Variants in CACNA2D4 observed in about 807,000 individuals in gnomAD.
CACNA2D4 encodes the protein calcium voltage-gated channel auxiliary subunit alpha2delta 4.
In CACNA2D4, 157 loss-of-function variants were observed where a neutral mutation model predicts 163.8. That is an observed-to-expected ratio of 0.96 (90% CI 0.84 to 1.09). The LOEUF (loss-of-function observed/expected upper bound fraction) is 1.09, where lower values mean the gene tolerates loss of function less well. Among genes scored for constraint, CACNA2D4 ranks in the 50% least tolerant of loss-of-function variants. The probability of loss-of-function intolerance (pLI) is 0.00; values close to 1 mark genes in which losing one functional copy is unlikely to be tolerated. For synonymous variants in CACNA2D4, 598 were observed against 586.9 expected (o/e 1.02, Z -0.27); for missense variants, 1,410 against 1,479.9 (o/e 0.95, Z 0.78).
intron 26 of CACNA2D4, among the ~76,000 whole-genome samples, chr12:1,824,212 A>T (rs1173965308): frequency 6.6e-6 from 1 of 152,190 alleles, no homozygotes; most frequent in Non-Finnish European, 1.5e-5. Context: ...CCCTGCTGAG[A>T]GGTGCCCGGC....
In CACNA2D4 at chr12:1,808,386, ATC is replaced by A. The variant is rs139602506; in HGVS notation, c.2721+1890_2721+1891del. Among the ~76,000 whole-genome samples, 1,043 of 152,322 alleles carry A rather than the reference ATC, an allele frequency of 6.8e-3. 13 individuals carry two copies. The highest frequency in any genetic ancestry group is 0.024 in the African/African-American group (991 of 41,570). ...GAAAAAAAGTCAAAAGATTGATAACATCTCATGACACGTGAAATTTATATGAA... is the reference window on the plus strand; with the variant it reads ...GAAAAAAAGTCAAAAGATTGATAACATCATGACACGTGAAATTTATATGAA... On this transcript the variant is annotated intron_variant, in intron 29 of 37. Transcript: ENST00000382722.
chr12:1,899,586 A>T (rs560121442), intron 6 of CACNA2D4, among the ~76,000 whole-genome samples: 1 of 152,200 alleles, frequency 6.6e-6, no homozygotes, highest in Non-Finnish European at 1.5e-5. Context: ...AATTCTAAGA[A>T]ATAGAAAGCC....
Position 1,819,315 on chromosome 12 carries a change from C to T in CACNA2D4, c.2552-7592G>A, listed in dbSNP as rs1347567398. ...AGGCACCAGCATGAGAGGTCAGAGG[C>T]GGGACTCCCCAGAGGTAAAAGACAC... On this transcript the variant is annotated intron_variant, in intron 26 of 37. Coordinates refer to ENST00000382722, the MANE Select transcript of CACNA2D4 (RefSeq NM_172364.5). 3.9e-5 allele frequency among the ~76,000 whole-genome samples: 6 copies of T among 152,058 alleles called. No homozygotes were observed. The East Asian group carries it at 7.7e-4, about 20-fold the overall frequency.
Position 1,834,179 on chromosome 12 carries a change from G to A in CACNA2D4, c.2551+6560C>T. ...ATTGCTGATAAAAACTACCTTCTGG[G>A]GCTTCCGTTTTGGGGAGCTGGGGAT... On this transcript the variant is annotated intron_variant, in intron 26 of 37. Transcript: ENST00000382722. This position sits in a 1 kb window ranked among gnomAD's most constrained non-coding sequence, Gnocchi z 7.6. 1 of 1,441,934 alleles carries A rather than the reference G, an allele frequency of 6.9e-7. No individual in the cohort carries two copies. The allele number at this position is 1,441,934 out of a possible 1,614,324, so 89.3% of individuals were successfully genotyped here.
At chr12:1,865,184 G>C (rs1328448483) in intron 18 of CACNA2D4, among the ~76,000 whole-genome samples, 2 of 152,212 alleles carry the variant, frequency 1.3e-5, no homozygotes. Flanking sequence ...CGTCTTGCTC[G>C]TGGCGCGTCT....
At chr12:1,836,989 C>T (rs1483542937) in intron 26 of CACNA2D4, among the ~76,000 whole-genome samples, 1 of 152,258 alleles carries the variant, frequency 6.6e-6, no homozygotes. Context: ...AGCTCATGGC[C>T]TGGCAGATCC....
intron 26 of CACNA2D4, among the ~76,000 whole-genome samples, chr12:1,813,209 G>A (rs1863766294): frequency 6.6e-6 from 1 of 152,184 alleles, no homozygotes; most frequent in African/African-American, 2.4e-5. Flanking sequence ...CCAGACTAGA[G>A]CCTTGATTTT....
intron 26 of CACNA2D4, among the ~76,000 whole-genome samples, chr12:1,838,378 G>A (rs572809338): frequency 1.1e-4 from 17 of 152,234 alleles, no homozygotes; most frequent in South Asian, 1.0e-3. Flanking sequence ...CAGGCCTGGC[G>A]CTCACACGCT....
chr12:1,852,705 C>A (rs1865311259), intron 23 of CACNA2D4, among the ~76,000 whole-genome samples: 1 of 152,144 alleles, frequency 6.6e-6, no homozygotes, highest in Admixed American at 6.5e-5. Flanking sequence ...ACTGACTAAT[C>A]TCTGAGGTTG....
intron 26 of CACNA2D4, chr12:1,831,180 G>A: frequency 6.2e-7 from 1 of 1,613,920 alleles, no homozygotes; most frequent in Non-Finnish European, 8.5e-7. Flanking sequence ...CAACTTCCTG[G>A]ACCGGCTGCC....
At chr12:1,865,525 C>A (rs943407468) in intron 18 of CACNA2D4, among the ~76,000 whole-genome samples, 9 of 152,022 alleles carry the variant, frequency 5.9e-5, no homozygotes, top group African/African-American at 2.2e-4. Flanking sequence ...GATGGCAGGT[C>A]AAAGGTCACA....
rs1039262276 is a variant in CACNA2D4 at position 1,883,803 on chromosome 12, T to G, written c.1351+440A>C. ...TGTATGTCTCCCTGCTGGACAATAC[T>G]GAGAGGTAGACCGACCCTGAGTCCA... On this transcript the variant is annotated intron_variant, in intron 12 of 37. Transcript: ENST00000382722. The surrounding 1 kb of genome is among the most constrained non-coding windows in gnomAD (Gnocchi z 4.5). 6.6e-6 allele frequency among the ~76,000 whole-genome samples: 1 copy of G among 152,174 alleles called. No homozygotes were observed. The highest frequency in any genetic ancestry group is 2.4e-5 in the African/African-American group (1 of 41,416).
intron 26 of CACNA2D4, 57 bp from the exon 27 acceptor site, chr12:1,811,780 TA>T (rs758830611): frequency 2.0e-6 from 3 of 1,506,830 alleles, no homozygotes. Context: ...GAGAAAAAAA[TA>T]GAGTCAAGTT....
At chr12:1,856,944 T>C (rs2154448401) in intron 20 of CACNA2D4, among the ~76,000 whole-genome samples, 1 of 152,294 alleles carries the variant, frequency 6.6e-6, no homozygotes, top group East Asian at 1.9e-4. Flanking sequence ...GGCAAGCAGC[T>C]GGAAGGGGAG....
chr12:1,905,657 C>G (rs1451579336), intron 6 of CACNA2D4, among the ~76,000 whole-genome samples: 1 of 151,974 alleles, frequency 6.6e-6, no homozygotes, highest in Non-Finnish European at 1.5e-5. Flanking sequence ...AGGTGAAAGA[C>G]CTGTACAGTG....
chr12:1,831,206 G>A (rs375310736), intron 26 of CACNA2D4: 10 of 1,613,804 alleles, frequency 6.2e-6, no homozygotes, highest in Non-Finnish European at 7.6e-6. Flanking sequence ...CCATTTTCGG[G>A]GACCTGACGA....
chr12:1,906,709 A>G (rs1565739406), intron 6 of CACNA2D4, among the ~76,000 whole-genome samples: 1 of 152,236 alleles, frequency 6.6e-6, no homozygotes, highest in Non-Finnish European at 1.5e-5. Context: ...CACAATAGCT[A>G]GCTGTGAATT....
intron 1 of CACNA2D4, 197 bp from the exon 2 acceptor site, chr12:1,915,132 CCA>C: frequency 1.4e-6 from 1 of 704,258 alleles, no homozygotes; most frequent in Non-Finnish European, 2.6e-6. Flanking sequence ...TACATACCCC[CCA>C]CACACATGCA....
chr12:1,852,159 G>A (rs992816853), intron 23 of CACNA2D4, among the ~76,000 whole-genome samples: 7 of 152,046 alleles, frequency 4.6e-5, no homozygotes, highest in Non-Finnish European at 8.8e-5. Flanking sequence ...ATATAATTAT[G>A]TCATCTTTAA....
Sources: gnomAD v4.1 joint callset for allele counts (sites outside exome capture counted in the v4.1 genomes callset) on GRCh38, gnomAD v4.1.1 for gene constraint, Gnocchi (gnomAD v3.1) non-coding constraint, MANE v1.5 for transcripts, NCBI Gene and HGNC (gene_info 2026-07-23, HGNC 2026-07-21) for gene names.